CMTM4: variants seen among roughly 807,000 people sequenced by gnomAD.
CMTM4 encodes the protein CKLF-like MARVEL transmembrane domain-containing protein 4.
In CMTM4, 8 loss-of-function variants were observed where a neutral mutation model predicts 19.0. The observed-to-expected ratio is 0.42, with a 90% confidence interval of 0.25 to 0.76. The LOEUF (loss-of-function observed/expected upper bound fraction) is 0.76. CMTM4 is among the 30% of genes least tolerant of loss of function. CMTM4 has a pLI of 0.27. For synonymous variants in CMTM4, 106 were observed against 121.1 expected (o/e 0.88, Z 0.82); for missense variants, 228 against 290.2 (o/e 0.79, Z 1.56).
At chr16:66,639,763 A>ATCCCAGCACATCAAAAGG (rs896711436) in intron 1 of CMTM4, among the ~76,000 whole-genome samples, 2 of 152,146 alleles carry the variant, frequency 1.3e-5, no homozygotes, top group African/African-American at 4.8e-5. Flanking sequence ...CATGCCTGTA[A>ATCCCAGCACATCAAAAGG]TCCCAGCACA....
chr16:66,664,396 A>G (rs1427768753), intron 1 of CMTM4, among the ~76,000 whole-genome samples: 5 of 152,134 alleles, frequency 3.3e-5, no homozygotes, highest in Non-Finnish European at 5.9e-5. Flanking sequence ...AGAAATGGTA[A>G]AAACCTCGGT....
At chr16:66,686,858 A>C (rs1361822537) in intron 1 of CMTM4, among the ~76,000 whole-genome samples, 1 of 136,814 alleles carries the variant, frequency 7.3e-6, no homozygotes, top group African/African-American at 3.6e-5. Flanking sequence ...GGCTACACTC[A>C]TGAGGACATT....
At chr16:66,692,069 G>A (rs2017145452) in intron 1 of CMTM4, among the ~76,000 whole-genome samples, 2 of 151,686 alleles carry the variant, frequency 1.3e-5, no homozygotes, top group Admixed American at 6.6e-5. Context: ...TCGAAAGCTG[G>A]TTGCTAGCAC....
At chr16:66,668,181 T>TA (rs1027268471) in intron 1 of CMTM4, among the ~76,000 whole-genome samples, 2 of 147,502 alleles carry the variant, frequency 1.4e-5, no homozygotes, top group African/African-American at 5.0e-5. Flanking sequence ...TTTTTTTTTT[T>TA]AATTTTGTGT....
intron 2 of CMTM4, among the ~76,000 whole-genome samples, chr16:66,624,269 C>G (rs1256628282): frequency 6.6e-6 from 1 of 152,208 alleles, no homozygotes; most frequent in Admixed American, 6.5e-5. Flanking sequence ...CTACAGTGGC[C>G]TACATATTTA....
At chr16:66,613,675 T>A (rs1347317269), downstream of CMTM4, 1 of 152,954 alleles carries the variant, frequency 6.5e-6, no homozygotes, top group African/African-American at 2.4e-5. Flanking sequence ...TTTGGAGCAT[T>A]TGTAGCCTTA....
chr16:66,655,666 G>T (rs2016386256), intron 1 of CMTM4, among the ~76,000 whole-genome samples: 1 of 151,730 alleles, frequency 6.6e-6, no homozygotes, highest in Middle Eastern at 3.2e-3. Context: ...AAGGAAGCAG[G>T]GCTCCCTGGA....
the CMTM4 span, among the ~76,000 whole-genome samples, chr16:66,607,142 C>T: frequency 3.9e-5 from 6 of 152,228 alleles, no homozygotes; most frequent in Admixed American, 1.3e-4. Flanking sequence ...AGGAGATGCC[C>T]GTGAGCCTCA....
intron 1 of CMTM4, among the ~76,000 whole-genome samples, chr16:66,671,306 C>A (rs1376223140): frequency 6.6e-6 from 1 of 152,122 alleles, no homozygotes; most frequent in East Asian, 1.9e-4. Context: ...AGGAATCAGG[C>A]AAGCGGCACG....
chr16:66,628,837 A>G (rs768589378), intron 2 of CMTM4, among the ~76,000 whole-genome samples: 2 of 152,148 alleles, frequency 1.3e-5, no homozygotes, highest in African/African-American at 2.4e-5. Flanking sequence ...GTATAGATAC[A>G]CCACGTTATT....
rs117517708 is a variant in CMTM4, at chr16:66,676,055, G to A, written c.186+20285C>T. Among the ~76,000 whole-genome samples, 11 of 152,048 alleles carry A rather than the reference G, an allele frequency of 7.2e-5. No individual in the cohort carries two copies. In the East Asian group the frequency reaches 1.5e-3, roughly 21 times the overall value. On this transcript the variant is annotated intron_variant, in intron 1 of 3. Transcript: ENST00000394106. Reference sequence around the variant, plus strand: ...AAAAATAAATAAATCACACTCTAACGGGAATGTAGACAAATTTGCTGTCAA... The same window carrying A: ...AAAAATAAATAAATCACACTCTAACAGGAATGTAGACAAATTTGCTGTCAA...
At chr16:66,688,787 T>C (rs573462725) in intron 1 of CMTM4, among the ~76,000 whole-genome samples, 1 of 152,346 alleles carries the variant, frequency 6.6e-6, no homozygotes, top group South Asian at 2.1e-4. Context: ...AGAATGCCTG[T>C]CTACTTATTT....
At chr16:66,629,009 T>TTGTTG (rs2015799043) in intron 2 of CMTM4, among the ~76,000 whole-genome samples, 1 of 152,204 alleles carries the variant, frequency 6.6e-6, no homozygotes, top group Non-Finnish European at 1.5e-5. Context: ...TGGGGTTTTT[T>TTGTTG]TGTTGTTTTG....
chr16:66,605,432 G>A, the CMTM4 span: 473 of 152,658 alleles, frequency 3.1e-3, 1 homozygote, highest in Non-Finnish European at 4.7e-3. The surrounding 1 kb of genome is among the most constrained non-coding windows in gnomAD (Gnocchi z 4.6). Flanking sequence ...ACTGGGTGAG[G>A]CGGCCCCGCG....
chr16:66,672,324 G>T (rs1459245472), intron 1 of CMTM4, among the ~76,000 whole-genome samples: 1 of 148,224 alleles, frequency 6.7e-6, no homozygotes, highest in Non-Finnish European at 1.5e-5. Context: ...AGAATCACTT[G>T]AACCCAGGAG....
chr16:66,628,696 T>G (rs536401526), intron 2 of CMTM4, among the ~76,000 whole-genome samples: 1 of 152,230 alleles, frequency 6.6e-6, no homozygotes, highest in African/African-American at 2.4e-5. Flanking sequence ...CCTTTCTACA[T>G]AGACACAGTA....
chr16:66,694,503 T>C (rs1032428041), intron 1 of CMTM4, among the ~76,000 whole-genome samples: 5 of 150,890 alleles, frequency 3.3e-5, no homozygotes, highest in African/African-American at 7.3e-5. Flanking sequence ...AGGTAAGGAG[T>C]TCGAGACCAG....
chr16:66,608,456 C>T, the CMTM4 span: 2 of 1,613,748 alleles, frequency 1.2e-6, no homozygotes, highest in African/African-American at 2.7e-5. This position sits in a 1 kb window ranked among gnomAD's most constrained non-coding sequence, Gnocchi z 5.1. Flanking sequence ...CTTGTGCTGG[C>T]CCATGATGGT....
intron 2 of CMTM4, among the ~76,000 whole-genome samples, chr16:66,634,304 G>A (rs2015945840): frequency 6.6e-6 from 1 of 151,918 alleles, no homozygotes; most frequent in Non-Finnish European, 1.5e-5. Flanking sequence ...GCTGGGCATG[G>A]TGGTACATGC....
Sources: gnomAD v4.1 joint callset for allele counts (sites outside exome capture counted in the v4.1 genomes callset) on GRCh38, gnomAD v4.1.1 for gene constraint, Gnocchi (gnomAD v3.1) non-coding constraint, MANE v1.5 for transcripts, NCBI Gene and HGNC (gene_info 2026-07-23, HGNC 2026-07-21) for gene names.